The following ECE1 variants were observed in gnomAD, a reference collection of about 807,000 sequenced individuals.
ECE1 encodes endothelin-converting enzyme 1.
In ECE1, 35 loss-of-function variants were observed where a neutral mutation model predicts 98.6. The ratio of observed to expected loss-of-function variants is 0.35; its 90% CI spans 0.27 to 0.47. The LOEUF (loss-of-function observed/expected upper bound fraction) is 0.47, where lower values mean the gene tolerates loss of function less well. ECE1 is among the 20% of genes least tolerant of loss of function. The pLI is 1.00. For synonymous variants in ECE1, 394 were observed against 407.1 expected, an observed-to-expected ratio of 0.97 and a Z score of 0.39; for missense variants, 814 against 1,025.3, an observed-to-expected ratio of 0.79 and a Z score of 2.81.
intron 8 of ECE1, among the ~76,000 whole-genome samples, chr1:21,253,711 C>A (rs1327737675): frequency 6.9e-6 from 1 of 144,124 alleles, no homozygotes; most frequent in East Asian, 2.1e-4. Context: ...TGCAGAGAGC[C>A]GAGATGGCGC....
chr1:21,250,863 C>T (rs60937558), intron 8 of ECE1, among the ~76,000 whole-genome samples: 19,081 of 152,178 alleles, frequency 0.13, 1,742 homozygotes, highest in East Asian at 0.46. Flanking sequence ...AAAAATTAGC[C>T]GGGCATTATG....
intron 14 of ECE1, among the ~76,000 whole-genome samples, chr1:21,231,589 G>A (rs540786228): frequency 5.9e-5 from 9 of 152,176 alleles, no homozygotes; most frequent in Non-Finnish European, 7.4e-5. Flanking sequence ...TGATCTACCC[G>A]CCTTGGCCTC....
rs746465936 is a variant in ECE1, at chr1:21,258,845, G to A, written c.616-6C>T. On this transcript the variant is annotated splice_region_variant and splice_polypyrimidine_tract_variant and intron_variant, in intron 5 of 18. Transcript: ENST00000374893. The surrounding 1 kb of genome is among the most constrained non-coding windows in gnomAD (Gnocchi z 4.2). ...GTGATGTTCCAGCCCCCGAGCTGTG[G>A]GGAGGGAGAGCAGGCAGGGAGGTGA... The A allele has an allele frequency of 6.2e-7, 1 of 1,614,140 alleles. No homozygotes were observed. Among genetic ancestry groups the A allele is most frequent in the South Asian group, 1.1e-5 (1 of 91,088 alleles).
In ECE1 at chr1:21,309,375, A is replaced by G. The variant is rs562683241; in HGVS notation, c.4-19219T>C. Among the ~76,000 whole-genome samples, 5 of 152,314 alleles carry G rather than the reference A, an allele frequency of 3.3e-5. No individual in the cohort carries two copies. In the East Asian group the frequency reaches 9.6e-4, roughly 29 times the overall value. On this transcript the variant is annotated intron_variant, in intron 1 of 18. Transcript: ENST00000415912. ...TCTGTGCCTCTGTCTTCTCACCTGT[A>G]AAGTGGTGAATCACAGTACCCGTCC...
intron 4 of ECE1, among the ~76,000 whole-genome samples, chr1:21,272,136 ACT>A (rs903835242): frequency 4.0e-5 from 6 of 151,826 alleles, no homozygotes; most frequent in African/African-American, 1.2e-4. Flanking sequence ...AGTTCTCAAA[ACT>A]CTGTACCTTG....
chr1:21,345,015 C>T lies in ECE1; in HGVS notation c.3+361G>A, dbSNP rs568593845. The T allele has an allele frequency of 1.7e-5, 3 of 173,106 alleles. No individual in the cohort carries two copies. The South Asian group carries it at 6.0e-4, about 35-fold the overall frequency. 10.7% of individuals were successfully genotyped at this position (173,106 alleles called of 1,614,324 possible). A position where few individuals can be genotyped will look rare whatever the true frequency, so the allele number is the denominator to read the frequency against. On this transcript the variant is annotated intron_variant, in intron 1 of 18. Transcript: ENST00000415912. This position sits in a 1 kb window ranked among gnomAD's most constrained non-coding sequence, Gnocchi z 5.1. ...CGCCACCCGCGAGCCCGACCCAGCC[C>T]GGCTGCCCTGGGTCTCCAAGCCAAG... is the stretch of plus-strand genomic sequence containing the variant.
Position 21,255,926 on chromosome 1 carries a change from A to G in ECE1, c.1020+21T>C, listed in dbSNP as rs1375515864. On this transcript the variant is annotated intron_variant, in intron 8 of 18. Coordinates refer to ENST00000374893, the MANE Select transcript of ECE1 (RefSeq NM_001397.3). ...ACCTGGAGGCCATCCCAGCCTCCCT[A>G]GCAGCCGGCGCTCAAGTTACCTGCA... 1.9e-6 allele frequency: 3 copies of G among 1,613,334 alleles called. No individual in the cohort carries two copies. The Admixed American group carries it at 5.0e-5, about 27-fold the overall frequency.
chr1:21,301,411 G>T (rs1431425144), intron 1 of ECE1, among the ~76,000 whole-genome samples: 1 of 152,024 alleles, frequency 6.6e-6, no homozygotes, highest in Non-Finnish European at 1.5e-5. Flanking sequence ...GGAGAATGGC[G>T]TGAACCCCAG....
At chr1:21,232,837 C>G (rs955335224) in intron 14 of ECE1, among the ~76,000 whole-genome samples, 3 of 152,112 alleles carry the variant, frequency 2.0e-5, no homozygotes, top group Admixed American at 6.6e-5. Flanking sequence ...GCCACCACAC[C>G]CGGTTAATTT....
At chr1:21,297,520 TTTTC>T (rs1321281114) in intron 1 of ECE1, among the ~76,000 whole-genome samples, 1 of 132,118 alleles carries the variant, frequency 7.6e-6, no homozygotes, top group East Asian at 2.3e-4. Context: ...GAACTTTCTT[TTTTC>T]TTTTTCTTTT....
chr1:21,270,764 C>T lies in ECE1; in HGVS notation c.493+1935G>A, dbSNP rs558014346. On this transcript the variant is annotated intron_variant, in intron 4 of 18. Transcript: ENST00000374893. Reference sequence around the variant, plus strand: ...TTTAATTTTCAAAATTCAGAGGAGGCATGGTTCCCACTGTACTCATGAGAA... The same window carrying T: ...TTTAATTTTCAAAATTCAGAGGAGGTATGGTTCCCACTGTACTCATGAGAA... Among the ~76,000 whole-genome samples the T allele has an allele frequency of 2.0e-5, 3 of 152,268 alleles. No homozygotes were observed. In the South Asian group the frequency reaches 6.2e-4, roughly 32 times the overall value.
chr1:21,304,078 G>C (rs1156799988), intron 1 of ECE1, among the ~76,000 whole-genome samples: 1 of 150,934 alleles, frequency 6.6e-6, no homozygotes, highest in African/African-American at 2.4e-5. Flanking sequence ...CACTCTGGGA[G>C]GCTGAGGCAG....
At chr1:21,311,509 C>CAAAAAAAAAAAAAAA (rs397979522) in intron 1 of ECE1, among the ~76,000 whole-genome samples, 10 of 74,292 alleles carry the variant, frequency 1.3e-4, no homozygotes, top group Non-Finnish European at 2.1e-4. Context: ...CCTGTCTCCA[C>CAAAAAAAAAAAAAAA]AAAAAAAAAA....
At position 21,236,839 on chromosome 1, in the gene ECE1, G is replaced by A. The variant is rs1258599421; in HGVS notation, c.1395C>T (p.Thr465=). ...TFAEDSKSIA[T]EIILEIKKAF... is the part of the protein sequence containing the mutation. ...CCTTCTTAATCTCCAGGATGATCTC[G>A]GTGGCCTGAGGAGATACACATCACA... is the stretch of plus-strand genomic sequence containing the variant. Residue 465 remains threonine, a synonymous_variant, in exon 12 of 19, where the codon ACC becomes ACT. Coordinates refer to ENST00000374893, the MANE Select transcript of ECE1 (RefSeq NM_001397.3). 8 of 1,613,462 alleles carry A rather than the reference G, an allele frequency of 5.0e-6. No individual in the cohort carries two copies. Among genetic ancestry groups the A allele is most frequent in the Non-Finnish European group, 4.2e-6 (5 of 1,179,956 alleles).
At chr1:21,238,099 A>G in intron 11 of ECE1, 35 bp downstream of exon 11, 1 of 1,570,880 alleles carries the variant, frequency 6.4e-7, no homozygotes, top group Non-Finnish European at 8.8e-7. Flanking sequence ...AACAAGTGTG[A>G]CCTCACAGCC....
At chr1:21,230,200 A>G (rs2098179967) in intron 14 of ECE1, among the ~76,000 whole-genome samples, 1 of 152,122 alleles carries the variant, frequency 6.6e-6, no homozygotes, top group Admixed American at 6.6e-5. Context: ...AAAAAAAGAA[A>G]AAAGAAAAAA....
At chr1:21,341,308 T>G (rs1408293725) in intron 1 of ECE1, among the ~76,000 whole-genome samples, 2 of 152,248 alleles carry the variant, frequency 1.3e-5, no homozygotes. Flanking sequence ...CCAGACAGAC[T>G]TGTTTGGTGA....
Position 21,233,332 on chromosome 1 carries a change from C to A in ECE1, c.1670+226G>T. The stretch of plus-strand genomic sequence containing the variant: ...CCAGAGGCCAGGCTCACCCTGCCAA[C>A]AGGCTGGGCAGGCTCAAGCCCATCC... On this transcript the variant is annotated intron_variant, in intron 14 of 18. Transcript: ENST00000374893. This position sits in a 1 kb window ranked among gnomAD's most constrained non-coding sequence, Gnocchi z 4.0. The A allele has an allele frequency of 2.0e-6, 1 of 498,692 alleles. No individual in the cohort carries two copies. The highest frequency in any genetic ancestry group is 3.7e-6 in the Non-Finnish European group (1 of 273,350). The allele number at this position is 498,692 out of a possible 1,614,324, so 30.9% of individuals were successfully genotyped here.
rs71014187 is a variant in ECE1, at chr1:21,342,607, TACACACACACACACAC to T, written c.3+2753_3+2768del. On this transcript the variant is annotated intron_variant, in intron 1 of 18. Transcript: ENST00000415912. ...ACACAGACACACAGACACACACAGATACACACACACACACACACACACACACACACACACACACACG... is the reference window on the plus strand; with the variant it reads ...ACACAGACACACAGACACACACAGATACACACACACACACACACACACACG... Among the ~76,000 whole-genome samples the T allele has an allele frequency of 1.6e-3, 223 of 139,826 alleles. 1 individual carries two copies. Among genetic ancestry groups the T allele is most frequent in the African/African-American group, 5.4e-3 (210 of 38,856 alleles). The allele number at this position is 139,826 out of a possible 152,430, so 91.7% of individuals were successfully genotyped here. A position where few individuals can be genotyped will look rare whatever the true frequency, so the allele number is the denominator to read the frequency against.
Sources: allele counts gnomAD v4.1 joint callset (sites outside exome capture counted in the v4.1 genomes callset), GRCh38; gene constraint gnomAD v4.1.1; non-coding constraint Gnocchi (gnomAD v3.1); transcripts MANE v1.5; gene names NCBI Gene and HGNC (gene_info 2026-07-23, HGNC 2026-07-21).